Variants in STK38L observed in about 807,000 individuals in gnomAD.
STK38L encodes serine/threonine kinase 38 like, also known as serine/threonine-protein kinase 38-like.
Under a neutral mutation model 59.7 loss-of-function variants are expected in STK38L, and 28 were observed. The observed-to-expected ratio is 0.47, with a 90% confidence interval of 0.35 to 0.64. STK38L has a LOEUF of 0.64. Among genes scored for constraint, STK38L ranks in the 30% least tolerant of loss-of-function variants. The probability of loss-of-function intolerance (pLI) is 0.01; values close to 1 mark genes in which losing one functional copy is unlikely to be tolerated. For synonymous variants in STK38L, 162 were observed against 176.8 expected (o/e 0.92, Z 0.66); for missense variants, 314 against 555.8 (o/e 0.56, Z 4.37).
rs552958218 is a variant in STK38L at position 27,282,752 on chromosome 12, C to T, written c.-11-14958C>T. Among the ~76,000 whole-genome samples the T allele has an allele frequency of 1.6e-4, 24 of 152,058 alleles. 1 individual carries two copies. The South Asian group carries it at 4.6e-3, about 29-fold the overall frequency. On this transcript the variant is annotated intron_variant, in intron 1 of 13. Coordinates refer to ENST00000389032, the MANE Select transcript of STK38L (RefSeq NM_015000.4). ...AGAGAAAGAGTGCATAGTCTGAGAT[C>T]CTTGATGTTTATTACAGCATAGCTA...
Position 27,308,827 on chromosome 12 carries a change from T to A in STK38L, c.310-287T>A, listed in dbSNP as rs1474077509. Among the ~76,000 whole-genome samples the A allele has an allele frequency of 1.4e-5, 2 of 147,322 alleles. No homozygotes were observed. Among genetic ancestry groups the A allele is most frequent in the African/African-American group, 2.5e-5 (1 of 40,436 alleles). Reference sequence around the variant, plus strand: ...TGAGTGAAACGCTCTCTCAAAAAAATATATATATGTGTTTGTATGTATATA... The same window carrying A: ...TGAGTGAAACGCTCTCTCAAAAAAAAATATATATGTGTTTGTATGTATATA... On this transcript the variant is annotated intron_variant, in intron 4 of 13. Transcript: ENST00000389032. The surrounding 1 kb of genome is among the most constrained non-coding windows in gnomAD (Gnocchi z 4.5).
chr12:27,281,892 CG>C (rs1355420308), intron 1 of STK38L, among the ~76,000 whole-genome samples: 1 of 151,942 alleles, frequency 6.6e-6, no homozygotes, highest in Non-Finnish European at 1.5e-5. Context: ...AAAAATCAGC[CG>C]GGCGTGATGG....
chr12:27,295,786 G>A (rs1944004207), intron 1 of STK38L, among the ~76,000 whole-genome samples: 1 of 152,200 alleles, frequency 6.6e-6, no homozygotes, highest in Non-Finnish European at 1.5e-5. Flanking sequence ...TGCCTCTTCT[G>A]CAGAGCATGT....
intron 1 of STK38L, among the ~76,000 whole-genome samples, chr12:27,260,967 C>T (rs1468082109): frequency 6.6e-6 from 1 of 152,116 alleles, no homozygotes; most frequent in African/African-American, 2.4e-5. Context: ...TTTTTTGAGT[C>T]TCAGGCAGGA....
rs151018102 is a variant in STK38L at position 27,250,900 on chromosome 12, G to A, written c.-12+6568G>A. ...TGTAGTCCCAGCTGCTCAGGAGGCTGAGGCAGGAGAATGGCGTCAACCCGG... is the reference window on the plus strand; with the variant it reads ...TGTAGTCCCAGCTGCTCAGGAGGCTAAGGCAGGAGAATGGCGTCAACCCGG... On this transcript the variant is annotated intron_variant, in intron 1 of 13. Coordinates refer to ENST00000389032, the MANE Select transcript of STK38L (RefSeq NM_015000.4). Among the ~76,000 whole-genome samples, 890 of 151,522 alleles carry A rather than the reference G, an allele frequency of 5.9e-3. 8 individuals are homozygous for A. The highest frequency in any genetic ancestry group is 0.021 in the African/African-American group (847 of 41,214).
chr12:27,299,978 G>T (rs1944124277), intron 2 of STK38L, among the ~76,000 whole-genome samples: 1 of 152,116 alleles, frequency 6.6e-6, no homozygotes, highest in Non-Finnish European at 1.5e-5. Flanking sequence ...CTGGGAGAGT[G>T]AATAAAGTAG....
intron 1 of STK38L, among the ~76,000 whole-genome samples, chr12:27,252,003 G>A (rs902846022): frequency 4.0e-5 from 6 of 151,484 alleles, no homozygotes; most frequent in South Asian, 2.1e-4. Flanking sequence ...TTTTTGAGAC[G>A]GAGTCTCGCT....
intron 1 of STK38L, among the ~76,000 whole-genome samples, chr12:27,260,096 C>CCCA (rs1012276671): frequency 3.3e-5 from 5 of 151,976 alleles, no homozygotes; most frequent in Admixed American, 6.6e-5. Context: ...ATACAAGTCC[C>CCCA]CCACCACCAC....
chr12:27,319,255 T>C lies in STK38L; in HGVS notation c.1080-73T>C. 4.6e-6 allele frequency: 4 copies of C among 872,636 alleles called. No homozygotes were observed. The South Asian group carries it at 7.2e-5, about 16-fold the overall frequency. The allele number at this position is 872,636 out of a possible 1,614,324, so 54.1% of individuals were successfully genotyped here. On this transcript the variant is annotated intron_variant, in intron 11 of 13. Coordinates refer to ENST00000389032, the MANE Select transcript of STK38L (RefSeq NM_015000.4). Reference sequence around the variant, plus strand: ...ACATTATATTTCTTTAAAAAAGAAATATTTGAAGTAATGCAGCTAGAATAC... The same window carrying C: ...ACATTATATTTCTTTAAAAAAGAAACATTTGAAGTAATGCAGCTAGAATAC...
intron 1 of STK38L, among the ~76,000 whole-genome samples, chr12:27,249,416 C>G (rs1466873759): frequency 6.6e-6 from 1 of 152,196 alleles, no homozygotes; most frequent in Non-Finnish European, 1.5e-5. Flanking sequence ...TGGTTCACTG[C>G]AACCCCCGCC....
intron 1 of STK38L, among the ~76,000 whole-genome samples, chr12:27,296,096 G>A (rs558890129): frequency 2.6e-5 from 4 of 152,294 alleles, no homozygotes; most frequent in African/African-American, 7.2e-5. Flanking sequence ...CAGGGCTGTC[G>A]TGAGGATGAA....
At chr12:27,316,419 T>C (rs1944585865) in intron 9 of STK38L, among the ~76,000 whole-genome samples, 1 of 152,192 alleles carries the variant, frequency 6.6e-6, no homozygotes, top group Non-Finnish European at 1.5e-5. Flanking sequence ...TTACAAAATA[T>C]TCATGGGTGA....
chr12:27,312,596 T>C lies in STK38L; in HGVS notation c.441T>C (p.Gly147=), dbSNP rs1327891015. ...AERDILVEAD[G]AWVVKMFYSF... ...GAGATATTTTGGTAGAAGCAGATGG[T>C]GCCTGGGTGGTGAAGATGTTTTACA... The change falls in exon 6 of 14, where the codon GGT becomes GGC. Residue 147 remains glycine (G), a synonymous_variant. Transcript: ENST00000389032. The C allele has an allele frequency of 1.9e-6, 3 of 1,614,090 alleles. No homozygotes were observed. The South Asian group carries it at 3.3e-5, about 18-fold the overall frequency.
At chr12:27,278,399 G>GGCTAATTGTTTATAT (rs774314094) in intron 1 of STK38L, among the ~76,000 whole-genome samples, 1 of 152,146 alleles carries the variant, frequency 6.6e-6, no homozygotes, top group Non-Finnish European at 1.5e-5. Context: ...GGTCCACCCA[G>GGCTAATTGTTTATAT]GCTAATTGTT....
intron 1 of STK38L, among the ~76,000 whole-genome samples, chr12:27,270,082 C>T (rs775747101): frequency 2.0e-5 from 3 of 152,204 alleles, no homozygotes; most frequent in Admixed American, 6.5e-5. Flanking sequence ...GCATTTGTCT[C>T]TCCGAATGTA....
chr12:27,246,159 A>T (rs1255741635), intron 1 of STK38L, among the ~76,000 whole-genome samples: 1 of 152,222 alleles, frequency 6.6e-6, no homozygotes, highest in Non-Finnish European at 1.5e-5. Context: ...ACAAAGGAGA[A>T]ATTGGACTTC....
chr12:27,298,447 A>C (rs1189918179), intron 2 of STK38L: 2 of 152,336 alleles, frequency 1.3e-5, no homozygotes, highest in Non-Finnish European at 2.9e-5. Context: ...GTCTCAAAAA[A>C]AAAGATGCTT....
Position 27,322,441 on chromosome 12 carries a change from G to C in STK38L, c.1381G>C (p.Ala461Pro). Residue 461 changes from alanine to proline, a missense_variant, in exon 14 of 14, where the codon GCT becomes CCT. Coordinates refer to ENST00000389032, the MANE Select transcript of STK38L (RefSeq NM_015000.4). ...TGGCTCTATCCCCACCTACATGAAAGCTGGGAAGTTATGAATGAAGATAAC... is the reference window on the plus strand; with the variant it reads ...TGGCTCTATCCCCACCTACATGAAACCTGGGAAGTTATGAATGAAGATAAC... ...QRGSIPTYMKAGKL is the reference protein window; with the variant it reads ...QRGSIPTYMKPGKL The C allele has an allele frequency of 3.1e-6, 5 of 1,612,872 alleles. No homozygotes were observed. The highest frequency in any genetic ancestry group is 4.2e-6 in the Non-Finnish European group (5 of 1,179,622).
At chr12:27,271,882 T>C (rs1319601561) in intron 1 of STK38L, among the ~76,000 whole-genome samples, 1 of 152,176 alleles carries the variant, frequency 6.6e-6, no homozygotes, top group East Asian at 1.9e-4. Flanking sequence ...GTATTTTTAG[T>C]AGAGACAGGG....
Sources: allele counts gnomAD v4.1 joint callset (sites outside exome capture counted in the v4.1 genomes callset), GRCh38; gene constraint gnomAD v4.1.1; non-coding constraint Gnocchi (gnomAD v3.1); transcripts MANE v1.5; gene names NCBI Gene and HGNC (gene_info 2026-07-23, HGNC 2026-07-21).